SPRY3: variants seen among roughly 807,000 people sequenced by gnomAD.
The protein encoded by SPRY3 is protein sprouty homolog 3.
Under a neutral mutation model 20.2 loss-of-function variants are expected in SPRY3, and 15 were observed. The observed-to-expected ratio is 0.74, with a 90% CI of 0.50 to 1.14. The LOEUF is 1.14. Ranked by LOEUF, SPRY3 falls within the 50% of genes most tolerant of loss-of-function variation. The pLI, the probability that SPRY3 is intolerant of heterozygous loss-of-function variation, is 0.00. For missense variants in SPRY3, 364 were observed against 363.9 expected, an observed-to-expected ratio of 1.00 and a Z score of 0.00; for synonymous variants, 143 against 136.5, an observed-to-expected ratio of 1.05 and a Z score of -0.33.
At chrX:155,715,409 C>T (rs1408877893) in intron 2 of SPRY3, among the ~76,000 whole-genome samples, 5 of 152,048 alleles carry the variant, frequency 3.3e-5, no homozygotes, top group Non-Finnish European at 7.4e-5. Context: ...CACAACTCTG[C>T]CTGGTGCCTT....
chrX:155,660,530 T>G (rs782252019), intron 2 of SPRY3, among the ~76,000 whole-genome samples: 1 of 112,063 alleles, frequency 8.9e-6, no homozygotes, highest in South Asian at 3.7e-4. Flanking sequence ...AAATGTCTGT[T>G]GGGTCTATTT....
intron 2 of SPRY3, among the ~76,000 whole-genome samples, chrX:155,657,948 G>C (rs2067997337): frequency 8.9e-6 from 1 of 111,832 alleles, no homozygotes; most frequent in African/African-American, 3.3e-5. Flanking sequence ...TGCCTAACCA[G>C]TTCCAATGAG....
At chrX:155,767,327 T>C (rs774941585) in intron 2 of SPRY3, among the ~76,000 whole-genome samples, 1 of 152,088 alleles carries the variant, frequency 6.6e-6, no homozygotes, top group Admixed American at 6.5e-5. Context: ...ATCATCTACA[T>C]TCACAAAACG....
intron 1 of SPRY3, among the ~76,000 whole-genome samples, chrX:155,638,028 A>G (rs909102890): frequency 1.9e-5 from 2 of 103,257 alleles, no homozygotes; most frequent in East Asian, 6.1e-4. Flanking sequence ...AGGTAACCCC[A>G]TTGGGTTTTA....
Position 155,725,352 on chromosome X carries a change from T to C in SPRY3, c.-281-42610T>C, listed in dbSNP as rs147383914. Among the ~76,000 whole-genome samples, 88 of 152,340 alleles carry C rather than the reference T, an allele frequency of 5.8e-4. No homozygotes were observed. The East Asian group carries it at 0.017, about 29-fold the overall frequency. ...CCTCATAAAATAAGTTAGGGAGGAT[T>C]CCCTCTTTTTCTATTAATTGGAATA... is the stretch of plus-strand genomic sequence containing the variant. On this transcript the variant is annotated intron_variant, in intron 2 of 3. Coordinates refer to ENST00000675360, the Ensembl canonical transcript of SPRY3.
intron 2 of SPRY3, among the ~76,000 whole-genome samples, chrX:155,745,935 C>T (rs369517903): frequency 3.3e-5 from 5 of 152,078 alleles, no homozygotes; most frequent in South Asian, 4.2e-4. Context: ...GGAATAAGAG[C>T]GAGCGTTACA....
intron 2 of SPRY3, among the ~76,000 whole-genome samples, chrX:155,732,062 T>C (rs1468878058): frequency 6.6e-6 from 1 of 152,068 alleles, no homozygotes; most frequent in Non-Finnish European, 1.5e-5. Flanking sequence ...AACGTAGCCT[T>C]CCTAGATGTC....
intron 2 of SPRY3, among the ~76,000 whole-genome samples, chrX:155,716,664 C>T (rs1426813221): frequency 6.6e-6 from 1 of 151,926 alleles, no homozygotes; most frequent in African/African-American, 2.4e-5. Context: ...CTTCCCCGTG[C>T]TGTGTACCCA....
chrX:155,670,784 A>C (rs1557354677), intron 2 of SPRY3, among the ~76,000 whole-genome samples: 1 of 112,120 alleles, frequency 8.9e-6, no homozygotes, highest in African/African-American at 3.2e-5. Flanking sequence ...ATTAGGCCAG[A>C]ATGGCAAAGG....
chrX:155,681,329 C>T (rs1468974202), intron 2 of SPRY3, among the ~76,000 whole-genome samples: 1 of 111,972 alleles, frequency 8.9e-6, no homozygotes, highest in Non-Finnish European at 1.9e-5. Flanking sequence ...ACAGGACTTG[C>T]TCCTTCTTGC....
At chrX:155,769,088 G>A (rs895560548) in intron 3 of SPRY3, among the ~76,000 whole-genome samples, 6 of 152,190 alleles carry the variant, frequency 3.9e-5, no homozygotes, top group African/African-American at 1.2e-4. Flanking sequence ...CAGGCTAGCC[G>A]TTTATCCACA....
rs1314943926 is a variant in SPRY3, at chrX:155,716,989, T to A, written c.-281-50973T>A. Among the ~76,000 whole-genome samples the A allele has an allele frequency of 2.1e-3, 145 of 68,690 alleles. 5 individuals are homozygous for A. The highest frequency in any genetic ancestry group is 0.015 in the African/African-American group (139 of 9,276). 45.1% of individuals were successfully genotyped at this position (68,690 alleles called of 152,430 possible). A position where few individuals can be genotyped will look rare whatever the true frequency, so the allele number is the denominator to read the frequency against. Reference sequence around the variant, plus strand: ...TTTCCACTAAAATACAAAATATATATATATATATATATATATATATATAGC... The same window carrying A: ...TTTCCACTAAAATACAAAATATATAAATATATATATATATATATATATAGC... On this transcript the variant is annotated intron_variant, in intron 2 of 3. Transcript: ENST00000675360.
chrX:155,774,839 A>C, exon 4 of SPRY3: 1 of 1,334,580 alleles, frequency 7.5e-7, no homozygotes, highest in Non-Finnish European at 1.0e-6. Flanking sequence ...AACTAGCCAA[A>C]GTTAGGGCCT....
chrX:155,738,161 C>T, intron 2 of SPRY3, among the ~76,000 whole-genome samples: 1 of 151,006 alleles, frequency 6.6e-6, no homozygotes, highest in Non-Finnish European at 1.5e-5. Context: ...ACCAAAAGCA[C>T]AAATCTTTAA....
chrX:155,626,735 G>A (rs2067889448), intron 1 of SPRY3, among the ~76,000 whole-genome samples: 1 of 111,615 alleles, frequency 9.0e-6, no homozygotes, highest in Non-Finnish European at 1.9e-5. Context: ...ATGATGAGAT[G>A]TAAGGGTTCA....
chrX:155,765,093 T>C (rs1297953818), intron 2 of SPRY3, among the ~76,000 whole-genome samples: 1 of 152,116 alleles, frequency 6.6e-6, no homozygotes, highest in African/African-American at 2.4e-5. Context: ...CATTATTTAG[T>C]CACCTCCCAA....
chrX:155,758,051 T>C (rs1434156780), intron 2 of SPRY3, among the ~76,000 whole-genome samples: 1 of 152,198 alleles, frequency 6.6e-6, no homozygotes, highest in African/African-American at 2.4e-5. Flanking sequence ...ATTAGGCCAT[T>C]TTGGCTAGCC....
intron 2 of SPRY3, among the ~76,000 whole-genome samples, chrX:155,721,186 G>C (rs2091054793): frequency 6.6e-6 from 1 of 152,120 alleles, no homozygotes; most frequent in Non-Finnish European, 1.5e-5. Flanking sequence ...TAACAGAATT[G>C]ATCAGGCAGA....
intron 2 of SPRY3, among the ~76,000 whole-genome samples, chrX:155,709,367 G>A (rs752685636): frequency 6.6e-6 from 1 of 151,636 alleles, no homozygotes; most frequent in South Asian, 2.1e-4. Flanking sequence ...GCCATTTTAA[G>A]TGGGGCGAGA....
Sources: gnomAD v4.1 joint callset for allele counts (sites outside exome capture counted in the v4.1 genomes callset) on GRCh38, gnomAD v4.1.1 for gene constraint, MANE v1.5 for transcripts, NCBI Gene and HGNC (gene_info 2026-07-23, HGNC 2026-07-21) for gene names.